The following PHACTR1 variants were observed in gnomAD, a reference collection of about 807,000 sequenced individuals.
The protein encoded by PHACTR1 is RPEL repeat containing 1.
PHACTR1 carries 16 observed loss-of-function variants against 69.2 expected under a neutral mutation model. The ratio of observed to expected loss-of-function variants is 0.23; its 90% CI spans 0.16 to 0.35. The LOEUF (loss-of-function observed/expected upper bound fraction) is 0.35. Among genes scored for constraint, PHACTR1 ranks in the 10% least tolerant of loss-of-function variants. PHACTR1 has a pLI of 1.00. For synonymous variants in PHACTR1, 312 were observed against 284.5 expected (o/e 1.10, Z -0.97); for missense variants, 510 against 734.7 (o/e 0.69, Z 3.54).
chr6:13,236,457 A>G (rs940274126), intron 10 of PHACTR1, among the ~76,000 whole-genome samples: 7 of 152,210 alleles, frequency 4.6e-5, no homozygotes, highest in African/African-American at 1.7e-4. Context: ...TCCAGGTGTC[A>G]GCAGAGTTGG....
At chr6:12,845,994 T>G (rs764404520) in intron 4 of PHACTR1, among the ~76,000 whole-genome samples, 7 of 152,356 alleles carry the variant, frequency 4.6e-5, no homozygotes, top group Admixed American at 2.0e-4. Flanking sequence ...ATAGTTTAAA[T>G]GTAATTTGTT....
intron 5 of PHACTR1, among the ~76,000 whole-genome samples, chr6:13,149,067 C>T (rs200723571): frequency 6.9e-4 from 1 of 1,458 alleles, no homozygotes; most frequent in African/African-American, 8.5e-4. Context: ...TTTACCAGAA[C>T]ATTTGAATGT....
chr6:12,881,081 T>A (rs1404003830), intron 4 of PHACTR1, among the ~76,000 whole-genome samples: 1 of 152,196 alleles, frequency 6.6e-6, no homozygotes, highest in Non-Finnish European at 1.5e-5. Flanking sequence ...CGAAGCACAG[T>A]GCCAGGAATA....
At chr6:12,745,325 AAATGTT>A (rs1765635956) in intron 3 of PHACTR1, among the ~76,000 whole-genome samples, 1 of 152,194 alleles carries the variant, frequency 6.6e-6, no homozygotes, top group Non-Finnish European at 1.5e-5. Context: ...TACAGTGTTA[AAATGTT>A]GACTGGTTTT....
chr6:12,944,787 A>ATTTATT (rs1554172585), intron 4 of PHACTR1, among the ~76,000 whole-genome samples: 2,211 of 116,332 alleles, frequency 0.019, 36 homozygotes, highest in South Asian at 0.063. Flanking sequence ...ATTTTTATTT[A>ATTTATT]TTTTTTTTTT....
Position 13,275,755 on chromosome 6 carries a change from C to T in PHACTR1, c.1448-2513C>T, listed in dbSNP as rs1340324305. ...TAGGTCCCCTCATGGCCCTAGTATT[C>T]TGTGCTTCTGTAAATTTTCACCGTG... On this transcript the variant is annotated intron_variant, in intron 11 of 14. Transcript: ENST00000332995. The surrounding 1 kb of genome is among the most constrained non-coding windows in gnomAD (Gnocchi z 4.0). The T allele has an allele frequency of 2.0e-5, 3 of 152,142 alleles. No individual in the cohort carries two copies. Among genetic ancestry groups the T allele is most frequent in the Non-Finnish European group, 4.4e-5 (3 of 68,026 alleles). The allele number at this position is 152,142 out of a possible 1,614,324, so 9.4% of individuals were successfully genotyped here. A position where few individuals can be genotyped will look rare whatever the true frequency, so the allele number is the denominator to read the frequency against.
At chr6:12,969,302 C>A (rs1408826830) in intron 4 of PHACTR1, among the ~76,000 whole-genome samples, 1 of 152,186 alleles carries the variant, frequency 6.6e-6, no homozygotes, top group Non-Finnish European at 1.5e-5. Flanking sequence ...TCATACTTGA[C>A]TTCTCTAGTA....
chr6:13,004,948 A>G (rs11758659), intron 4 of PHACTR1, among the ~76,000 whole-genome samples: 68,528 of 151,798 alleles, frequency 0.45, 16,513 homozygotes, highest in African/African-American at 0.61. Flanking sequence ...AATATACAAT[A>G]CTATATAACA....
intron 5 of PHACTR1, among the ~76,000 whole-genome samples, chr6:13,107,210 G>A (rs899433691): frequency 2.0e-5 from 3 of 151,958 alleles, no homozygotes; most frequent in African/African-American, 7.2e-5. Flanking sequence ...CCTGACCTCC[G>A]AGGTTCAAGC....
intron 4 of PHACTR1, among the ~76,000 whole-genome samples, chr6:12,937,217 T>A (rs1174749271): frequency 6.6e-6 from 1 of 152,170 alleles, no homozygotes; most frequent in Non-Finnish European, 1.5e-5. Flanking sequence ...CATAAACACG[T>A]GGTCACCTTC....
At chr6:13,084,006 C>T (rs149278746) in intron 5 of PHACTR1, among the ~76,000 whole-genome samples, 1,848 of 152,128 alleles carry the variant, frequency 0.012, 42 homozygotes, top group African/African-American at 0.042. Flanking sequence ...CCATTAGACA[C>T]AGCCATCCCA....
Position 13,269,689 on chromosome 6 carries a change from C to T in PHACTR1, c.1392-3171C>T, listed in dbSNP as rs568817094. Among the ~76,000 whole-genome samples, 5 of 152,086 alleles carry T rather than the reference C, an allele frequency of 3.3e-5. No individual in the cohort carries two copies. The South Asian group carries it at 6.2e-4, about 19-fold the overall frequency. On this transcript the variant is annotated intron_variant, in intron 10 of 14. Transcript: ENST00000332995. ...CTACTGAAAATACAAAAAACTAGCA[C>T]GGGGCATGGTGGCACGCACCTGTAA...
chr6:13,056,076 G>C (rs1335016306), intron 5 of PHACTR1, among the ~76,000 whole-genome samples: 2 of 152,186 alleles, frequency 1.3e-5, no homozygotes, highest in Non-Finnish European at 1.5e-5. Context: ...TATCATGATA[G>C]ATGGATGGGT....
At chr6:12,885,946 T>C (rs560433786) in intron 4 of PHACTR1, among the ~76,000 whole-genome samples, 116 of 152,126 alleles carry the variant, frequency 7.6e-4, no homozygotes, top group African/African-American at 2.7e-3. Context: ...AATACAAAAA[T>C]TAGCCAGGCC....
chr6:13,153,646 T>C (rs1583610028), intron 5 of PHACTR1, among the ~76,000 whole-genome samples: 1 of 152,210 alleles, frequency 6.6e-6, no homozygotes, highest in East Asian at 1.9e-4. Flanking sequence ...AAGCCTCTGA[T>C]GGTTTTCTGC....
chr6:13,113,587 G>C (rs1817372860), intron 5 of PHACTR1, among the ~76,000 whole-genome samples: 3 of 152,290 alleles, frequency 2.0e-5, no homozygotes, highest in African/African-American at 7.2e-5. Context: ...AGCAGAAGTA[G>C]TAAGGGAGAT....
chr6:12,826,678 C>T (rs949258044), intron 4 of PHACTR1, among the ~76,000 whole-genome samples: 1 of 152,114 alleles, frequency 6.6e-6, no homozygotes, highest in African/African-American at 2.4e-5. Flanking sequence ...ATAAAAATCC[C>T]TTGCAGTGCA....
chr6:12,992,509 C>A (rs1367417534), intron 4 of PHACTR1, among the ~76,000 whole-genome samples: 1 of 152,212 alleles, frequency 6.6e-6, no homozygotes, highest in Non-Finnish European at 1.5e-5. Flanking sequence ...TCTCTTTATT[C>A]TCTGACGTAT....
intron 4 of PHACTR1, among the ~76,000 whole-genome samples, chr6:13,040,719 TA>T (rs1804007892): frequency 6.6e-6 from 1 of 152,182 alleles, no homozygotes; most frequent in South Asian, 2.1e-4. Context: ...ATCAACACTC[TA>T]AATTTGGAGT....
Sources: gnomAD v4.1 joint callset for allele counts (sites outside exome capture counted in the v4.1 genomes callset) on GRCh38, gnomAD v4.1.1 for gene constraint, Gnocchi (gnomAD v3.1) non-coding constraint, MANE v1.5 for transcripts, NCBI Gene and HGNC (gene_info 2026-07-23, HGNC 2026-07-21) for gene names.